The following FAM135A variants were observed in gnomAD, a reference collection of about 807,000 sequenced individuals.
FAM135A encodes protein FAM135A.
A neutral mutation model predicts 146.8 loss-of-function variants in FAM135A; 79 were observed. That is an observed-to-expected ratio of 0.54 (90% CI 0.45 to 0.65). The LOEUF (loss-of-function observed/expected upper bound fraction) is 0.65. Ranked by LOEUF, FAM135A falls within the 30% of genes least tolerant of loss-of-function variation. The pLI, the probability that FAM135A is intolerant of heterozygous loss-of-function variation, is 0.00. For missense variants in FAM135A, 1,623 were observed against 1,758.2 expected (o/e 0.92, Z 1.38); for synonymous variants, 562 against 603.6 (o/e 0.93, Z 1.01).
intron 4 of FAM135A, among the ~76,000 whole-genome samples, chr6:70,447,007 G>T (rs1329972273): frequency 1.3e-5 from 2 of 152,204 alleles, no homozygotes; most frequent in African/African-American, 2.4e-5. Flanking sequence ...TGTCCATCGG[G>T]CCCTTCACAA....
intron 12 of FAM135A, among the ~76,000 whole-genome samples, chr6:70,512,263 C>A (rs569196463): frequency 2.0e-5 from 3 of 151,808 alleles, no homozygotes; most frequent in Middle Eastern, 6.8e-3. Flanking sequence ...TTTATGGTAT[C>A]GTATATCAGA....
chr6:70,456,714 TTTTAGTAG>T (rs1183052590), intron 5 of FAM135A, among the ~76,000 whole-genome samples: 1 of 152,232 alleles, frequency 6.6e-6, no homozygotes, highest in East Asian at 1.9e-4. Flanking sequence ...TGACTTCCTC[TTTTAGTAG>T]TAAGTTACCT....
At chr6:70,554,157 C>T (rs77957666) in intron 20 of FAM135A, among the ~76,000 whole-genome samples, 7,844 of 152,010 alleles carry the variant, frequency 0.052, 545 homozygotes, top group African/African-American at 0.16. Context: ...AATAAAATGT[C>T]ATATATGCCT....
At chr6:70,462,044 T>G (rs567467963) in intron 5 of FAM135A, among the ~76,000 whole-genome samples, 2 of 152,300 alleles carry the variant, frequency 1.3e-5, no homozygotes, top group African/African-American at 4.8e-5. Context: ...GACTCTAGGA[T>G]CTCAGAACCA....
At chr6:70,463,125 A>G (rs1332466420) in intron 5 of FAM135A, among the ~76,000 whole-genome samples, 1 of 152,090 alleles carries the variant, frequency 6.6e-6, no homozygotes, top group African/African-American at 2.4e-5. Context: ...CAGTTTCTCA[A>G]GTTTGATGGG....
At chr6:70,420,533 G>A (rs1031254516) in intron 2 of FAM135A, among the ~76,000 whole-genome samples, 1 of 152,186 alleles carries the variant, frequency 6.6e-6, no homozygotes, top group African/African-American at 2.4e-5. Flanking sequence ...GAGCGAAGAT[G>A]CCTGTAGTCT....
At chr6:70,523,381 GTATATGT>G (rs1276966511) in intron 13 of FAM135A, among the ~76,000 whole-genome samples, 4 of 152,126 alleles carry the variant, frequency 2.6e-5, no homozygotes, top group African/African-American at 9.7e-5. Context: ...GATAGAAAGG[GTATATGT>G]TAACTGTTGA....
intron 4 of FAM135A, among the ~76,000 whole-genome samples, chr6:70,431,640 C>A (rs1771665637): frequency 6.6e-6 from 1 of 152,132 alleles, no homozygotes; most frequent in Non-Finnish European, 1.5e-5. Flanking sequence ...TGTAAGAGGT[C>A]TGAATATAAG....
intron 5 of FAM135A, among the ~76,000 whole-genome samples, chr6:70,454,073 C>T (rs1035299537): frequency 3.9e-5 from 6 of 152,156 alleles, no homozygotes; most frequent in African/African-American, 1.4e-4. Context: ...TCTCTAGCAC[C>T]TGTTGTTCCC....
At chr6:70,548,701 A>T (rs75240359) in intron 20 of FAM135A, among the ~76,000 whole-genome samples, 3,856 of 150,844 alleles carry the variant, frequency 0.026, 169 homozygotes, top group African/African-American at 0.089. Context: ...CAAATATAGA[A>T]ATCTTTTAAA....
chr6:70,499,635 A>G (rs1788052273), intron 11 of FAM135A, among the ~76,000 whole-genome samples: 1 of 151,906 alleles, frequency 6.6e-6, no homozygotes, highest in African/African-American at 2.4e-5. Context: ...TCCTTTACAT[A>G]TTTATTGCTT....
At chr6:70,489,729 G>A (rs978709810) in intron 10 of FAM135A, among the ~76,000 whole-genome samples, 6 of 152,026 alleles carry the variant, frequency 3.9e-5, no homozygotes, top group African/African-American at 1.4e-4. Flanking sequence ...GATCCCCTTG[G>A]GCATACATGC....
rs1208478 is a variant in FAM135A, at chr6:70,451,878, T to C, written c.78-614T>C. 6.9e-3 allele frequency among the ~76,000 whole-genome samples: 1,047 copies of C among 152,206 alleles called. 10 individuals carry two copies. The highest frequency in any genetic ancestry group is 0.024 in the African/African-American group (1,008 of 41,554). On this transcript the variant is annotated intron_variant, in intron 4 of 21. Transcript: ENST00000418814. Reference sequence around the variant, plus strand: ...ACAAATTTGCAGTGTGATGATGTTATAAGACAGTCATATTATAGTTTTTAC... The same window carrying C: ...ACAAATTTGCAGTGTGATGATGTTACAAGACAGTCATATTATAGTTTTTAC...
Position 70,428,376 on chromosome 6 carries a change from G to A in FAM135A, c.34G>A (p.Val12Met). ...AGTTCAAGCAATGGTAGAATTCTCT[G>A]TGGAGCTAAACAAGTTCTACAATGT... is the stretch of plus-strand genomic sequence containing the variant. ...TEVQAMVEFS[V>M]ELNKFYNVDL... Residue 12 changes from valine (V) to methionine (M), a missense_variant, in exon 4 of 22, where the codon GTG becomes ATG. Val to Met is a conservative substitution (Grantham distance 21, BLOSUM62 1). This residue lies in a region of FAM135A where 171 missense variants were observed against 164.9 expected (regional missense o/e 1.04). Coordinates refer to ENST00000418814, the MANE Select transcript of FAM135A (RefSeq NM_001162529.3). 6.2e-7 allele frequency: 1 copy of A among 1,603,752 alleles called. No individual in the cohort carries two copies. Among genetic ancestry groups the A allele is most frequent in the Non-Finnish European group, 8.5e-7 (1 of 1,175,278 alleles).
chr6:70,485,440 A>G (rs1784429719), intron 10 of FAM135A, among the ~76,000 whole-genome samples: 1 of 152,152 alleles, frequency 6.6e-6, no homozygotes, highest in Non-Finnish European at 1.5e-5. Flanking sequence ...CATATTCTAA[A>G]CTATCAATGT....
chr6:70,437,306 G>A (rs749753170), intron 4 of FAM135A, among the ~76,000 whole-genome samples: 9 of 152,020 alleles, frequency 5.9e-5, no homozygotes, highest in Admixed American at 6.5e-5. Context: ...AAGTATAGAC[G>A]TTTCTTCATA....
At chr6:70,531,686 C>T (rs961325034) in intron 16 of FAM135A, among the ~76,000 whole-genome samples, 3 of 152,146 alleles carry the variant, frequency 2.0e-5, no homozygotes, top group Admixed American at 2.0e-4. Context: ...GCTTCATCTT[C>T]AACATTGTTT....
intron 12 of FAM135A, chr6:70,503,040 T>C (rs1010675838): frequency 7.2e-6 from 2 of 279,568 alleles, no homozygotes; most frequent in East Asian, 6.3e-5. Context: ...AATAGGAAAA[T>C]ATATGATACA....
chr6:70,474,568 T>C (rs779071658), intron 5 of FAM135A, among the ~76,000 whole-genome samples: 7 of 152,222 alleles, frequency 4.6e-5, no homozygotes, highest in Non-Finnish European at 8.8e-5. Flanking sequence ...GCTGTACTTA[T>C]TATTACAGCT....
Sources: gnomAD v4.1 joint callset for allele counts (sites outside exome capture counted in the v4.1 genomes callset) on GRCh38, gnomAD v4.1.1 for gene constraint, gnomAD v4.1.1 regional missense constraint, MANE v1.5 for transcripts, NCBI Gene and HGNC (gene_info 2026-07-23, HGNC 2026-07-21) for gene names.